The following DIS3 variants were observed in gnomAD, a reference collection of about 807,000 sequenced individuals.
DIS3 encodes the protein DIS3 exosome endoribonuclease and 3'-5' exoribonuclease, also known as exosome complex exonuclease RRP44.
DIS3 carries 103 observed loss-of-function variants against 113.0 expected under a neutral mutation model. The ratio of observed to expected loss-of-function variants is 0.91; its 90% CI spans 0.78 to 1.07. The LOEUF is 1.07. Ranked by LOEUF, DIS3 falls within the 50% of genes least tolerant of loss-of-function variation. The pLI is 0.00. For missense variants in DIS3, 1,121 were observed against 1,167.1 expected, an observed-to-expected ratio of 0.96 and a Z score of 0.58; for synonymous variants, 402 against 394.3, an observed-to-expected ratio of 1.02 and a Z score of -0.23.
chr13:72,781,280 GGCACTTACAA>G, intron 1 of DIS3: 2 of 1,551,174 alleles, frequency 1.3e-6, no homozygotes, highest in East Asian at 4.9e-5. Context: ...TTTGTTCCTA[GGCACTTACAA>G]GCTGCCTGGG....
rs748662879 is a variant in DIS3, at chr13:72,770,914, A to G, written c.1745T>C (p.Ile582Thr). 4 of 1,601,074 alleles carry G rather than the reference A, an allele frequency of 2.5e-6. No individual in the cohort carries two copies. Among genetic ancestry groups the G allele is most frequent in the Non-Finnish European group, 3.4e-6 (4 of 1,172,940 alleles). ...ILKTKFTKSV[I>T]NSKASLTYAE... Reference sequence around the variant, plus strand: ...AGCCATGAAACGAACCTTTGAATTAATAACACTTTTGGTAAACTTCGTTTT... The same window carrying G: ...AGCCATGAAACGAACCTTTGAATTAGTAACACTTTTGGTAAACTTCGTTTT... Residue 582 changes from isoleucine (I) to threonine (T), a missense_variant, in exon 13 of 21, where the codon ATT (isoleucine) becomes ACT (threonine). Ile to Thr is a moderately conservative substitution (Grantham distance 89, BLOSUM62 -1). Coordinates refer to ENST00000377767, the MANE Select transcript of DIS3 (RefSeq NM_014953.5).
chr13:72,769,361 C>G (rs1456791540), intron 13 of DIS3, among the ~76,000 whole-genome samples: 1 of 151,808 alleles, frequency 6.6e-6, no homozygotes, highest in East Asian at 1.9e-4. Flanking sequence ...CAGTAAATAC[C>G]CAAAATTAAG....
In DIS3 at chr13:72,773,799, G is replaced by T. The variant is rs2138213978; in HGVS notation, c.1124C>A (p.Pro375His). 1.2e-6 allele frequency: 2 copies of T among 1,612,802 alleles called. No homozygotes were observed. Among genetic ancestry groups the T allele is most frequent in the Non-Finnish European group, 1.7e-6 (2 of 1,179,724 alleles). ...IKESRRHLFT[P>H]ADKRIPRIRI... ...AATTCGAGGGATTCTCTTATCAGCA[G>T]GTGTAAAGAGATGTCTTCTTGACTA... Residue 375 changes from proline (P) to histidine (H), a missense_variant, in exon 8 of 21, where the codon CCT (proline) becomes CAT (histidine). This residue lies in a region of DIS3 where 861 missense variants were observed against 915.5 expected (regional missense o/e 0.94). Transcript: ENST00000377767.
Position 72,760,540 on chromosome 13 carries a change from C to T in DIS3, c.2782G>A (p.Val928Ile). The T allele has an allele frequency of 6.2e-7, 1 of 1,613,522 alleles. No individual in the cohort carries two copies. Among genetic ancestry groups the T allele is most frequent in the South Asian group, 1.1e-5 (1 of 91,048 alleles). The change falls in exon 20 of 21, where the codon GTA (valine) becomes ATA (isoleucine). Residue 928 changes from valine (V) to isoleucine (I), a missense_variant. By Grantham distance (29) the Val-to-Ile change is conservative. Transcript: ENST00000377767. ...AAGTTTGGCCTTACCTGTGGTTCTA[C>T]CAGGGACATTCGGATCTTCTGATGT... ...LQHQKIRMSL[V>I]EPQIPGISIP...
Position 72,773,478 on chromosome 13 carries a change from C to A in DIS3, c.1239+206G>T, listed in dbSNP as rs533883671. 2.0e-5 allele frequency among the ~76,000 whole-genome samples: 3 copies of A among 152,226 alleles called. No individual in the cohort carries two copies. In the South Asian group the frequency reaches 6.2e-4, roughly 32 times the overall value. ...CTCTCTCTCAAAAAGAAGAAATTTA[C>A]ATAAAAGTAACCAAATGATTTACAC... On this transcript the variant is annotated intron_variant, in intron 8 of 20. Coordinates refer to ENST00000377767, the MANE Select transcript of DIS3 (RefSeq NM_014953.5).
rs2033357967 is a variant in DIS3, at chr13:72,753,961, A to G, written c.*5834T>C. 2 of 858,676 alleles carry G rather than the reference A, an allele frequency of 2.3e-6. No individual in the cohort carries two copies. The highest frequency in any genetic ancestry group is 1.7e-6 in the Non-Finnish European group (1 of 573,628). 53.2% of individuals were successfully genotyped at this position (858,676 alleles called of 1,614,324 possible). On this transcript the variant is annotated 3_prime_UTR_variant, in exon 21 of 21. Transcript: ENST00000377767. ...GGTAAGCCTGTTTTCTTAACATCCA[A>G]TAACCTTTAAATATTTTGGTTACTC...
chr13:72,773,911 AT>A, intron 7 of DIS3, 34 bp downstream of exon 7: 2 of 1,586,794 alleles, frequency 1.3e-6, no homozygotes, highest in Admixed American at 1.9e-5. Flanking sequence ...AATGTTTATC[AT>A]TTTTTTATTA....
At position 72,775,845 on chromosome 13, in the gene DIS3, T is replaced by G. The variant is rs751749353; in HGVS notation, c.822+80A>C. 1.6e-3 allele frequency: 1,962 copies of G among 1,201,126 alleles called. 4 individuals are homozygous for G. Among genetic ancestry groups the G allele is most frequent in the Middle Eastern group, 4.7e-3 (21 of 4,448 alleles). 74.4% of individuals were successfully genotyped at this position (1,201,126 alleles called of 1,614,324 possible). ...TGTGAAGCCTCATATGTTACACAAA[T>G]AGTATTTACCATTAAGTGTTCATAA... On this transcript the variant is annotated intron_variant, in intron 5 of 20. Transcript: ENST00000377767.
At chr13:72,768,230 G>A (rs952841253) in intron 14 of DIS3, among the ~76,000 whole-genome samples, 2 of 152,106 alleles carry the variant, frequency 1.3e-5, no homozygotes, top group Non-Finnish European at 2.9e-5. Context: ...AGAAATCTTA[G>A]GGTGTTCTTG....
Position 72,775,346 on chromosome 13 carries a change from G to C in DIS3, c.852C>G (p.Asn284Lys). The C allele has an allele frequency of 1.2e-6, 2 of 1,611,428 alleles. No homozygotes were observed. The highest frequency in any genetic ancestry group is 1.7e-6 in the Non-Finnish European group (2 of 1,178,858). The change falls in exon 6 of 21, where the codon AAC becomes AAG. Residue 284 changes from asparagine to lysine, a missense_variant. Transcript: ENST00000377767. ...CCACAATATCTTCGTGAACAGCTCT[G>C]TTTAAATGTTTAAGTCCCTGTAAGA... ...EIILQGLKHL[N>K]RAVHEDIVAV...
rs201527354 is a variant in DIS3 at position 72,761,643 on chromosome 13, T to C, written c.2511+3A>G. ...TCTAGCAGTATCGACAAAAGGCAAA[T>C]ACCTGGGTATGAAAAGCCACTGATG... On this transcript the variant is annotated splice_donor_region_variant and intron_variant, in intron 18 of 20. Coordinates refer to ENST00000377767, the MANE Select transcript of DIS3 (RefSeq NM_014953.5). The C allele has an allele frequency of 9.3e-5, 147 of 1,584,254 alleles. No individual in the cohort carries two copies. Among genetic ancestry groups the C allele is most frequent in the Admixed American group, 7.6e-4 (40 of 52,620 alleles).
Position 72,780,931 on chromosome 13 carries a change from G to A in DIS3, c.301C>T (p.Arg101Cys), listed in dbSNP as rs775752957. 1 of 1,613,128 alleles carries A rather than the reference G, an allele frequency of 6.2e-7. No homozygotes were observed. Among genetic ancestry groups the A allele is most frequent in the Non-Finnish European group, 8.5e-7 (1 of 1,179,790 alleles). Reference protein sequence around the residue: ...LQTVLQEVRNRSAPVYKRIRD... With the variant: ...LQTVLQEVRNCSAPVYKRIRD... ...ATGCGTTTATATACGGGGGCACTGC[G>A]ATTTCTCACTTCTTGAAGAACTGTT... The change falls in exon 2 of 21, where the codon CGC (arginine) becomes TGC (cysteine). Residue 101 changes from arginine (R) to cysteine (C), a missense_variant. Physicochemically the swap from Arg to Cys is radical, Grantham distance 180. Transcript: ENST00000377767.
intron 16 of DIS3, among the ~76,000 whole-genome samples, chr13:72,763,185 C>A (rs957496470): frequency 2.0e-5 from 3 of 152,004 alleles, no homozygotes; most frequent in Admixed American, 2.0e-4. Context: ...CCTGCAGTCC[C>A]AGCTCCTCAG....
intron 6 of DIS3, among the ~76,000 whole-genome samples, chr13:72,774,683 T>C (rs1171280588): frequency 1.3e-5 from 2 of 152,132 alleles, no homozygotes; most frequent in African/African-American, 4.8e-5. Flanking sequence ...CAACTATTTA[T>C]AATATTGTAA....
At chr13:72,781,372 C>T (rs2034210983) in intron 1 of DIS3, 1 of 1,549,368 alleles carries the variant, frequency 6.5e-7, no homozygotes, top group Admixed American at 2.0e-5. Context: ...GCAGAAGAGA[C>T]ACCAGGAGTT....
rs1406515508 is a variant in DIS3, at chr13:72,766,021, T to C, written c.1921A>G (p.Met641Val). Residue 641 changes from methionine (M) to valine (V), a missense_variant, in exon 15 of 21, where the codon ATG becomes GTG. Met to Val is a conservative substitution (Grantham distance 21). Transcript: ENST00000377767. ...ATAGGATCGTGAGTTTCACTGTCCA[T>C]GTGGAATCGAACTTCAGGAGAGGAT... ...TLSSPEVRFH[M>V]DSETHDPIDL... The C allele has an allele frequency of 1.2e-6, 2 of 1,612,102 alleles. No homozygotes were observed. The highest frequency in any genetic ancestry group is 1.7e-5 in the Admixed American group (1 of 59,956).
chr13:72,778,077 T>A (rs1022705571), intron 3 of DIS3, 110 bp downstream of exon 3: 1 of 962,594 alleles, frequency 1.0e-6, no homozygotes, highest in Admixed American at 2.9e-5. Context: ...TGAAGTTATA[T>A]AGGACTACGA....
At chr13:72,762,325 G>T (rs570701099) in intron 16 of DIS3, among the ~76,000 whole-genome samples, 188 bp from the exon 17 acceptor site, 1 of 152,090 alleles carries the variant, frequency 6.6e-6, no homozygotes, top group Non-Finnish European at 1.5e-5. Flanking sequence ...AACAATGTTC[G>T]GATTCATCAA....
chr13:72,764,270 G>A (rs1169427154), intron 15 of DIS3, among the ~76,000 whole-genome samples: 4 of 152,114 alleles, frequency 2.6e-5, no homozygotes, highest in Non-Finnish European at 5.9e-5. Context: ...TTATTTAATT[G>A]TAAATCAATA....
Sources: allele counts gnomAD v4.1 joint callset (sites outside exome capture counted in the v4.1 genomes callset), GRCh38; gene constraint gnomAD v4.1.1; regional missense constraint gnomAD v4.1.1; transcripts MANE v1.5; gene names NCBI Gene and HGNC (gene_info 2026-07-23, HGNC 2026-07-21).